PASK: variants seen among roughly 807,000 people sequenced by gnomAD.
PASK encodes the protein PAS domain containing serine/threonine kinase, also known as PAS domain-containing serine/threonine-protein kinase.
In PASK, 110 loss-of-function variants were observed where a neutral mutation model predicts 121.0. That is an observed-to-expected ratio of 0.91 (90% CI 0.78 to 1.06). The LOEUF (loss-of-function observed/expected upper bound fraction) is 1.06, where lower values mean the gene tolerates loss of function less well. PASK is among the 50% of genes least tolerant of loss of function. PASK has a pLI of 0.00. For synonymous variants in PASK, 686 were observed against 717.8 expected (o/e 0.96, Z 0.71); for missense variants, 1,643 against 1,702.3 (o/e 0.97, Z 0.61).
intron 4 of PASK, among the ~76,000 whole-genome samples, chr2:241,139,206 G>A (rs2066585580): frequency 6.6e-6 from 1 of 152,186 alleles, no homozygotes; most frequent in South Asian, 2.1e-4. Context: ...GGTCTTCTGT[G>A]TGAAAGCCAC....
At chr2:241,127,768 C>T (rs746256178) in intron 9 of PASK, 30 of 398,544 alleles carry the variant, frequency 7.5e-5, no homozygotes, top group Non-Finnish European at 1.3e-4. Flanking sequence ...GTCAGCCGTG[C>T]AGCCTAGCCT....
chr2:241,128,220 C>T (rs2065965670), intron 9 of PASK, among the ~76,000 whole-genome samples: 1 of 152,202 alleles, frequency 6.6e-6, no homozygotes, highest in Non-Finnish European at 1.5e-5. Context: ...GCAGAGGTTG[C>T]AGTGAGCTGA....
chr2:241,118,954 G>T, intron 12 of PASK: 1 of 1,021,744 alleles, frequency 9.8e-7, no homozygotes. Context: ...GCTGCCCGTG[G>T]CTGGCAAGGG....
intron 11 of PASK, 62 bp from the exon 12 acceptor site, chr2:241,122,961 C>G (rs1575267919): frequency 1.3e-6 from 2 of 1,532,622 alleles, no homozygotes; most frequent in South Asian, 2.4e-5. Flanking sequence ...GGTGCAGCAC[C>G]CACAGTGGTC....
rs139828636 is a variant in PASK at position 241,139,981 on chromosome 2, C to G, written c.504G>C (p.Thr168=). The G allele has an allele frequency of 8.1e-6, 13 of 1,614,050 alleles. No homozygotes were observed. Among genetic ancestry groups the G allele is most frequent in the Middle Eastern group, 1.6e-4 (1 of 6,062 alleles). Residue 168 remains threonine (T), a synonymous_variant, in exon 4 of 18, where the codon ACG becomes ACC. Coordinates refer to ENST00000234040, the MANE Select transcript of PASK (RefSeq NM_015148.4). ...CAGAATCTGACCTCAGAAAGAACTG[C>G]GTGAGCTTCTGGCCAATCAGGTCCT... ...SSQDLIGQKL[T]QFFLRSDSDV... is the part of the protein sequence containing the mutation.
chr2:241,147,921 G>A (rs2125463244), intron 1 of PASK, among the ~76,000 whole-genome samples: 2 of 152,292 alleles, frequency 1.3e-5, no homozygotes, highest in South Asian at 4.1e-4. Flanking sequence ...TGTGCCTCCT[G>A]GGCATCTGAA....
Position 241,107,616 on chromosome 2 carries a change from C to T in PASK, c.3668-117G>A, listed in dbSNP as rs541937039. ...GCCTCTGACTGGGCAGGTGGCGGCC[C>T]AGGAACCTCTAGTGCAGGGCCCAGC... On this transcript the variant is annotated intron_variant, in intron 16 of 17. Transcript: ENST00000234040. 190 of 956,772 alleles carry T rather than the reference C, an allele frequency of 2.0e-4. No individual in the cohort carries two copies. The South Asian group carries it at 2.3e-3, about 12-fold the overall frequency. The allele number at this position is 956,772 out of a possible 1,614,324, so 59.3% of individuals were successfully genotyped here.
chr2:241,142,673 GC>G (rs753912766), intron 2 of PASK, among the ~76,000 whole-genome samples, 163 bp downstream of exon 2: 15 of 152,350 alleles, frequency 9.8e-5, no homozygotes, highest in Non-Finnish European at 2.1e-4. Flanking sequence ...GAAGGGTCCT[GC>G]CGGAGTCATC....
At chr2:241,142,598 G>A (rs1391193062) in intron 2 of PASK, among the ~76,000 whole-genome samples, 2 of 152,238 alleles carry the variant, frequency 1.3e-5, no homozygotes, top group Non-Finnish European at 2.9e-5. Flanking sequence ...GTGAAGGTGA[G>A]TTCCACCTGC....
chr2:241,129,048 TCTCTCCCCTGTACCTCCCTCTCCCG>T (rs2066008288), intron 9 of PASK, among the ~76,000 whole-genome samples: 2 of 151,682 alleles, frequency 1.3e-5, no homozygotes, highest in Non-Finnish European at 2.9e-5. Flanking sequence ...CTCCCATCTC[TCTCTCCCCTGTACCTCCCTCTCCCG>T]CTCTCCATCC....
chr2:241,133,014 G>A lies in PASK; in HGVS notation c.1323C>T (p.Val441=), dbSNP rs185561291. The A allele has an allele frequency of 4.7e-5, 76 of 1,614,100 alleles. No individual in the cohort carries two copies. The highest frequency in any genetic ancestry group is 2.5e-4 in the East Asian group (11 of 44,872). The stretch of plus-strand genomic sequence containing the variant: ...GCACAACGTGGCCACCAGCAAGCAC[G>A]ACATTAATCCTTGGATCTGGCAGCA... ...AEGGQDPRIN[V]VLAGGHVVPR... Residue 441 remains valine, a synonymous_variant, in exon 9 of 18, where the codon GTC becomes GTT. Transcript: ENST00000234040.
chr2:241,138,668 C>A lies in PASK; in HGVS notation c.727G>T (p.Ala243Ser). The A allele has an allele frequency of 7.4e-6, 12 of 1,614,024 alleles. No individual in the cohort carries two copies. The highest frequency in any genetic ancestry group is 1.0e-5 in the Non-Finnish European group (12 of 1,180,044). ...EPVERVSTWV[A>S]FQSDGTVTSC... ...TGCACACTCACATCGCTCTGGAAAG[C>A]GACCCAGGTCGAGACCCTCTCCACG... is the stretch of plus-strand genomic sequence containing the variant. Residue 243 changes from alanine (A) to serine (S), a missense_variant, in exon 5 of 18, where the codon GCT becomes TCT. By Grantham distance (99) the Ala-to-Ser change is moderately conservative (BLOSUM62 1). This residue lies in a region of PASK where 1,176 missense variants were observed against 1,162.2 expected (regional missense o/e 1.01). Coordinates refer to ENST00000234040, the MANE Select transcript of PASK (RefSeq NM_015148.4).
chr2:241,140,282 A>G (rs1393805538), intron 3 of PASK, among the ~76,000 whole-genome samples: 1 of 152,118 alleles, frequency 6.6e-6, no homozygotes, highest in Non-Finnish European at 1.5e-5. Flanking sequence ...CTCCTGCCTC[A>G]GCCTCCCTGG....
chr2:241,126,294 G>T lies in PASK; in HGVS notation c.2621C>A (p.Thr874Lys). Residue 874 changes from threonine to lysine, a missense_variant, in exon 10 of 18, where the codon ACG becomes AAG. Transcript: ENST00000234040. ...AGCCCCGCGCATCACGATCACGGGC[G>T]TGGAGGTGACCTGGACGTTCAGCCT... ...EPRLNVQVTS[T>K]PVIVMRGAAG... 1 of 1,614,228 alleles carries T rather than the reference G, an allele frequency of 6.2e-7. No individual in the cohort carries two copies. The highest frequency in any genetic ancestry group is 8.5e-7 in the Non-Finnish European group (1 of 1,180,030).
At chr2:241,146,728 A>G (rs1418613816) in intron 1 of PASK, among the ~76,000 whole-genome samples, 6 of 152,236 alleles carry the variant, frequency 3.9e-5, no homozygotes, top group Admixed American at 1.3e-4. Flanking sequence ...CTTAAATAAG[A>G]GACTGGTAAA....
chr2:241,121,736 G>A (rs1344116825), intron 12 of PASK, among the ~76,000 whole-genome samples: 1 of 152,162 alleles, frequency 6.6e-6, no homozygotes, highest in East Asian at 1.9e-4. Flanking sequence ...TATCAAAGTA[G>A]ACTTCAGAAC....
chr2:241,145,128 T>C (rs77850505), intron 1 of PASK, among the ~76,000 whole-genome samples: 3,746 of 152,298 alleles, frequency 0.025, 315 homozygotes, highest in East Asian at 0.23. Context: ...TTAGCCAAGA[T>C]GGTCTCGATC....
chr2:241,124,327 G>A (rs1309333875), intron 10 of PASK, among the ~76,000 whole-genome samples, 194 bp from the exon 11 acceptor site: 1 of 152,214 alleles, frequency 6.6e-6, no homozygotes, highest in Non-Finnish European at 1.5e-5. Flanking sequence ...CTGGAGGAAA[G>A]CTGTCAGGGC....
chr2:241,149,510 C>T (rs1371312334), upstream of PASK: 5 of 744,164 alleles, frequency 6.7e-6, no homozygotes, highest in South Asian at 1.8e-5. Context: ...GCGACTAGCA[C>T]CGATTGACAA....
Sources: gnomAD v4.1 joint callset for allele counts (sites outside exome capture counted in the v4.1 genomes callset) on GRCh38, gnomAD v4.1.1 for gene constraint, gnomAD v4.1.1 regional missense constraint, MANE v1.5 for transcripts, NCBI Gene and HGNC (gene_info 2026-07-23, HGNC 2026-07-21) for gene names.